Variants in ALG13 observed in about 807,000 individuals in gnomAD.
The protein encoded by ALG13 is UDP-N-acetylglucosamine transferase subunit ALG13.
ALG13 carries 11 observed loss-of-function variants against 87.8 expected under a neutral mutation model. The ratio of observed to expected loss-of-function variants is 0.13; its 90% confidence interval spans 0.08 to 0.21. The LOEUF is 0.21. ALG13 is among the 10% of genes least tolerant of loss of function. ALG13 has a pLI of 1.00. For missense variants in ALG13, 756 were observed against 866.1 expected (o/e 0.87, Z 1.60); for synonymous variants, 320 against 306.3 (o/e 1.04, Z -0.47).
intron 2 of ALG13, among the ~76,000 whole-genome samples, chrX:111,683,248 G>A (rs933824122): frequency 5.5e-5 from 6 of 109,882 alleles, no homozygotes; most frequent in African/African-American, 1.3e-4. Context: ...TTGTCCAGCC[G>A]GGAAGTGGTG....
At chrX:111,681,664 C>A (rs1401485537) in intron 1 of ALG13, 3 of 895,385 alleles carry the variant, frequency 3.4e-6, no homozygotes, top group Non-Finnish European at 4.1e-6. Context: ...GGCAGTTTTT[C>A]CTCAGGCCCC....
intron 3 of ALG13, among the ~76,000 whole-genome samples, chrX:111,705,420 C>CT (rs1473667666): frequency 7.2e-5 from 8 of 111,573 alleles, no homozygotes; most frequent in African/African-American, 1.6e-4. Flanking sequence ...TTATTCCAGT[C>CT]TATGGCTTGT....
At chrX:111,754,026 A>G (rs892868592) in intron 25 of ALG13, among the ~76,000 whole-genome samples, 1 of 111,977 alleles carries the variant, frequency 8.9e-6, no homozygotes, top group Admixed American at 9.5e-5. Context: ...AATCCTCAAT[A>G]AAATACTGGC....
rs1234927341 is a variant in ALG13 at position 111,759,020 on chromosome X, A to G, written c.3149-714A>G. Reference sequence around the variant, plus strand: ...CCTTTCCATTTTTAAAGCATATTACAGTGTCAATCTTTTTTTTTTGAATTT... The same window carrying G: ...CCTTTCCATTTTTAAAGCATATTACGGTGTCAATCTTTTTTTTTTGAATTT... On this transcript the variant is annotated intron_variant, in intron 26 of 26. Coordinates refer to ENST00000394780, the MANE Select transcript of ALG13 (RefSeq NM_001099922.3). 3.6e-5 allele frequency among the ~76,000 whole-genome samples: 4 copies of G among 110,327 alleles called. No individual in the cohort carries two copies. In the East Asian group the frequency reaches 1.1e-3, roughly 31 times the overall value.
intron 3 of ALG13, among the ~76,000 whole-genome samples, chrX:111,691,290 T>C (rs954302577): frequency 3.6e-5 from 4 of 109,891 alleles, no homozygotes; most frequent in Non-Finnish European, 7.6e-5. Context: ...TAGTAGAGAC[T>C]GGGTTTCACC....
chrX:111,704,221 G>T (rs1304841536), intron 3 of ALG13, among the ~76,000 whole-genome samples: 1 of 111,472 alleles, frequency 9.0e-6, no homozygotes, highest in East Asian at 2.8e-4. Context: ...GTGTTGATAA[G>T]AATCTAGAGA....
chrX:111,723,042 A>G, intron 13 of ALG13, among the ~76,000 whole-genome samples, 185 bp downstream of exon 13: 1 of 110,163 alleles, frequency 9.1e-6, no homozygotes, highest in Non-Finnish European at 1.9e-5. Flanking sequence ...GCAGCCTCGA[A>G]CTCCTGGGCT....
intron 24 of ALG13, among the ~76,000 whole-genome samples, chrX:111,749,557 T>A (rs1420302219): frequency 1.8e-5 from 2 of 110,504 alleles, no homozygotes; most frequent in Non-Finnish European, 3.8e-5. Flanking sequence ...ATGGCTCAAT[T>A]TGGGGAGAAT....
chrX:111,730,371 T>C, intron 19 of ALG13, 24 bp from the exon 20 acceptor site: 1 of 1,205,445 alleles, frequency 8.3e-7, no homozygotes, highest in Non-Finnish European at 1.1e-6. Context: ...AACACATTTC[T>C]TCTGTCTTGT....
chrX:111,715,118 G>C (rs370528496), intron 8 of ALG13, among the ~76,000 whole-genome samples: 1 of 111,845 alleles, frequency 8.9e-6, no homozygotes, highest in Non-Finnish European at 1.9e-5. Flanking sequence ...CTTACAGAGA[G>C]ATTATTTAGC....
At chrX:111,720,232 CTAGT>C (rs1941234373) in intron 11 of ALG13, 62 bp downstream of exon 11, 5 of 799,769 alleles carry the variant, frequency 6.3e-6, no homozygotes, top group Middle Eastern at 3.3e-4. Context: ...ATGACTTAAA[CTAGT>C]TAAAGTCAGA....
chrX:111,725,287 A>C (rs1230066465), intron 15 of ALG13, among the ~76,000 whole-genome samples: 2 of 112,308 alleles, frequency 1.8e-5, no homozygotes, highest in East Asian at 5.6e-4. Context: ...ACTAGAAACA[A>C]AAATGTTTCC....
At chrX:111,735,249 T>A in intron 22 of ALG13, 127 bp downstream of exon 22, 1 of 448,776 alleles carries the variant, frequency 2.2e-6, no homozygotes, top group Non-Finnish European at 3.9e-6. Context: ...TATTGTACCT[T>A]CTGGTGTCTG....
chrX:111,711,863 C>T (rs1405232098), intron 6 of ALG13, 138 bp downstream of exon 6: 4 of 570,207 alleles, frequency 7.0e-6, no homozygotes, highest in Non-Finnish European at 1.1e-5. Flanking sequence ...CAATAGTTCT[C>T]ACATAAGTTT....
chrX:111,714,263 A>C (rs1034431870), intron 8 of ALG13: 1 of 111,167 alleles, frequency 9.0e-6, no homozygotes, highest in African/African-American at 3.3e-5. Context: ...GGGACAATGA[A>C]GACAGACCTG....
At chrX:111,710,609 A>G (rs1371984826) in intron 5 of ALG13, among the ~76,000 whole-genome samples, 1 of 112,132 alleles carries the variant, frequency 8.9e-6, no homozygotes, top group Non-Finnish European at 1.9e-5. Context: ...CGGAAGTGAT[A>G]CATTCACCAT....
intron 23 of ALG13, among the ~76,000 whole-genome samples, chrX:111,737,235 G>A (rs748052895): frequency 8.9e-4 from 99 of 111,758 alleles, no homozygotes; most frequent in Non-Finnish European, 1.5e-3. Flanking sequence ...TATAAAACAC[G>A]TTCCTTTGTA....
chrX:111,756,567 C>T (rs926916412), intron 25 of ALG13, among the ~76,000 whole-genome samples: 6 of 111,443 alleles, frequency 5.4e-5, no homozygotes, highest in Non-Finnish European at 1.1e-4. Context: ...GGTGAGAGCT[C>T]TTTTATTTTA....
At chrX:111,754,144 A>G (rs982914099) in intron 25 of ALG13, among the ~76,000 whole-genome samples, 20 of 111,953 alleles carry the variant, frequency 1.8e-4, no homozygotes, top group Non-Finnish European at 3.4e-4. Flanking sequence ...AATGTAATCC[A>G]TCACATAAAC....
Sources: allele counts gnomAD v4.1 joint callset (sites outside exome capture counted in the v4.1 genomes callset), GRCh38; gene constraint gnomAD v4.1.1; transcripts MANE v1.5; gene names NCBI Gene and HGNC (gene_info 2026-07-23, HGNC 2026-07-21).